TEPSIN: variants seen among roughly 807,000 people sequenced by gnomAD.
TEPSIN encodes the protein AP-4 complex accessory subunit tepsin.
TEPSIN carries 50 observed loss-of-function variants against 48.5 expected under a neutral mutation model. The observed-to-expected ratio is 1.03, with a 90% confidence interval of 0.82 to 1.31. TEPSIN has a LOEUF of 1.31. TEPSIN is among the 50% of genes most tolerant of loss of function. The probability of loss-of-function intolerance (pLI) is 0.00; values close to 1 mark genes in which losing one functional copy is unlikely to be tolerated. For synonymous variants in TEPSIN, 392 were observed against 358.8 expected, an observed-to-expected ratio of 1.09 and a Z score of -1.05; for missense variants, 838 against 815.9, an observed-to-expected ratio of 1.03 and a Z score of -0.33.
Position 81,228,957 on chromosome 17 carries a change from G to C in TEPSIN, c.1753C>G (p.Pro585Ala). 1.2e-6 allele frequency: 2 copies of C among 1,613,768 alleles called. No individual in the cohort carries two copies. The highest frequency in any genetic ancestry group is 1.7e-6 in the Non-Finnish European group (2 of 1,180,014). Reference sequence around the variant, plus strand: ...GCGTTCAGGAACGCGAAAGCTGACGGCTCTGAGCCAGGAGGCTCTTTGGCT... The same window carrying C: ...GCGTTCAGGAACGCGAAAGCTGACGCCTCTGAGCCAGGAGGCTCTTTGGCT... ...TAAKEPPGSE[P>A]SAFAFLNA Residue 585 changes from proline (P) to alanine (A), a missense_variant, in exon 13 of 13, where the codon CCG (proline) becomes GCG (alanine). Coordinates refer to ENST00000637944, the MANE Select transcript of TEPSIN (RefSeq NM_001363764.2).
rs1021780922 is a variant in TEPSIN, at chr17:81,233,971, C to A, written c.375+10G>T. 1 of 1,597,672 alleles carries A rather than the reference C, an allele frequency of 6.3e-7. No individual in the cohort carries two copies. Among genetic ancestry groups the A allele is most frequent in the Non-Finnish European group, 8.5e-7 (1 of 1,175,408 alleles). The stretch of plus-strand genomic sequence containing the variant: ...GGCACCCCGCAGAGCGACACTGCTC[C>A]TGGGCTCACCTGCGCGGCCGCGCGA... On this transcript the variant is annotated intron_variant, in intron 5 of 12. Coordinates refer to ENST00000637944, the MANE Select transcript of TEPSIN (RefSeq NM_001363764.2). The surrounding 1 kb of genome is among the most constrained non-coding windows in gnomAD (Gnocchi z 5.8).
chr17:81,236,732 A>G lies in TEPSIN; in HGVS notation c.283T>C (p.Ser95Pro). 1 of 1,569,858 alleles carries G rather than the reference A, an allele frequency of 6.4e-7. No homozygotes were observed. Among genetic ancestry groups the G allele is most frequent in the East Asian group, 2.4e-5 (1 of 42,166 alleles). ...SFFLLILKRN[S>P]AFIQEAAAFA... ...CCTGCAGCTTCCTGGATGAAGGCAGAGTTGCGTTTGAGGATGAGCAGGAAG... is the reference window on the plus strand; with the variant it reads ...CCTGCAGCTTCCTGGATGAAGGCAGGGTTGCGTTTGAGGATGAGCAGGAAG... The change falls in exon 4 of 13, where the codon TCT becomes CCT. Residue 95 changes from serine (S) to proline (P), a missense_variant. By Grantham distance (74) the Ser-to-Pro change is moderately conservative. Transcript: ENST00000637944.
intron 4 of TEPSIN, among the ~76,000 whole-genome samples, chr17:81,235,469 G>A (rs940994492): frequency 2.0e-5 from 3 of 152,172 alleles, no homozygotes; most frequent in Admixed American, 2.0e-4. Flanking sequence ...GTCCAGGCAC[G>A]GCAGGCAACA....
Position 81,228,927 on chromosome 17 carries a change from G to A in TEPSIN, c.*1C>T, listed in dbSNP as rs1292784615. 1.2e-6 allele frequency: 2 copies of A among 1,612,924 alleles called. No homozygotes were observed. The highest frequency in any genetic ancestry group is 1.7e-6 in the Non-Finnish European group (2 of 1,179,998). On this transcript the variant is annotated 3_prime_UTR_variant, in exon 13 of 13. Transcript: ENST00000637944. ...GAAGACTCCAGGGCCAGGCCATCGG[G>A]TCAGGCGTTCAGGAACGCGAAAGCT...
Position 81,232,029 on chromosome 17 carries a change from A to G in TEPSIN, c.731-8T>C. 6.2e-7 allele frequency: 1 copy of G among 1,604,954 alleles called. No individual in the cohort carries two copies. Among genetic ancestry groups the G allele is most frequent in the Non-Finnish European group, 8.5e-7 (1 of 1,178,816 alleles). On this transcript the variant is annotated splice_region_variant and splice_polypyrimidine_tract_variant and intron_variant, in intron 8 of 12. Transcript: ENST00000637944. ...CAGGCTGATGCCTCACAGCTGGAGG[A>G]AACAGGACAGCCGGTGAGATCCCTG...
At position 81,234,008 on chromosome 17, in the gene TEPSIN, C is replaced by T. The variant is rs367859199; in HGVS notation, c.348G>A (p.Leu116=). 83 of 1,598,182 alleles carry T rather than the reference C, an allele frequency of 5.2e-5. No individual in the cohort carries two copies. Among genetic ancestry groups the T allele is most frequent in the Non-Finnish European group, 6.9e-5 (81 of 1,175,678 alleles). Residue 116 remains leucine, a synonymous_variant, in exon 5 of 13, where the codon TTG becomes TTA. Transcript: ENST00000637944. The surrounding 1 kb of genome is among the most constrained non-coding windows in gnomAD (Gnocchi z 5.4). The part of the protein sequence containing the change: ...GPPDPLHGNS[L]YQKVRAAAQD... ...GCGCGGCCGCGCGAACCTTCTGGTA[C>T]AAGCTGTTCCCGTGCAGAGGATCTG... is the stretch of plus-strand genomic sequence containing the variant.
At position 81,233,209 on chromosome 17, in the gene TEPSIN, G is replaced by C. The variant is rs2062653933; in HGVS notation, c.526+223C>G. On this transcript the variant is annotated intron_variant, in intron 7 of 12. Transcript: ENST00000637944. This position sits in a 1 kb window ranked among gnomAD's most constrained non-coding sequence, Gnocchi z 5.8. ...CAGCCCTGACTTCTTGCTCGGCCTG[G>C]TTTCTCTCATCTGTCCATAAAGCAG... The C allele has an allele frequency of 5.1e-6, 3 of 590,516 alleles. No homozygotes were observed. The highest frequency in any genetic ancestry group is 8.8e-6 in the Non-Finnish European group (3 of 339,952). 36.6% of individuals were successfully genotyped at this position (590,516 alleles called of 1,614,324 possible). A position where few individuals can be genotyped will look rare whatever the true frequency, so the allele number is the denominator to read the frequency against.
intron 1 of TEPSIN, 79 bp downstream of exon 1, chr17:81,238,907 C>G: frequency 7.2e-7 from 1 of 1,382,216 alleles, no homozygotes; most frequent in Non-Finnish European, 9.3e-7. Flanking sequence ...TCAATGGCTC[C>G]GGCCCGGGGC....
Position 81,234,221 on chromosome 17 carries a change from A to G in TEPSIN, c.308-173T>C. ...GACCCTGCAGAGGCCACACCTGAGCAGACCCTCAGCTCCCCCTCACCCATG... is the reference window on the plus strand; with the variant it reads ...GACCCTGCAGAGGCCACACCTGAGCGGACCCTCAGCTCCCCCTCACCCATG... On this transcript the variant is annotated intron_variant, in intron 4 of 12. Transcript: ENST00000637944. The surrounding 1 kb of genome is among the most constrained non-coding windows in gnomAD (Gnocchi z 5.4). The G allele has an allele frequency of 2.0e-6, 1 of 500,254 alleles. No individual in the cohort carries two copies. Among genetic ancestry groups the G allele is most frequent in the East Asian group, 3.5e-5 (1 of 28,608 alleles). 31.0% of individuals were successfully genotyped at this position (500,254 alleles called of 1,614,324 possible).
rs577437968 is a variant in TEPSIN at position 81,235,700 on chromosome 17, G to A, written c.307+1008C>T. On this transcript the variant is annotated intron_variant, in intron 4 of 12. Transcript: ENST00000637944. ...CCTGGAGCCCGGGGCCCTCTGGCCC[G>A]CTGAATGGTGAGGATAAATGGCTGG... Among the ~76,000 whole-genome samples the A allele has an allele frequency of 1.1e-4, 16 of 152,196 alleles. No individual in the cohort carries two copies. The South Asian group carries it at 1.5e-3, about 14-fold the overall frequency.
In TEPSIN at chr17:81,234,805, G is replaced by T. The variant is rs1297828774; in HGVS notation, c.308-757C>A. On this transcript the variant is annotated intron_variant, in intron 4 of 12. Coordinates refer to ENST00000637944, the MANE Select transcript of TEPSIN (RefSeq NM_001363764.2). This position sits in a 1 kb window ranked among gnomAD's most constrained non-coding sequence, Gnocchi z 5.4. ...TGCCATCTTCCCTGCAGGAGCCCAGGGCACCCACCTGCCACCCCACGCTGC... is the reference window on the plus strand; with the variant it reads ...TGCCATCTTCCCTGCAGGAGCCCAGTGCACCCACCTGCCACCCCACGCTGC... Among the ~76,000 whole-genome samples the T allele has an allele frequency of 1.3e-5, 2 of 151,982 alleles. No homozygotes were observed. Among genetic ancestry groups the T allele is most frequent in the Non-Finnish European group, 2.9e-5 (2 of 68,008 alleles).
Position 81,230,631 on chromosome 17 carries a change from G to A in TEPSIN, c.1146C>T (p.Pro382=), listed in dbSNP as rs778587006. 1.3e-6 allele frequency: 2 copies of A among 1,597,972 alleles called. No homozygotes were observed. The highest frequency in any genetic ancestry group is 2.2e-5 in the South Asian group (2 of 89,340). Residue 382 remains proline, a synonymous_variant, in exon 12 of 13, where the codon CCC becomes CCT. Transcript: ENST00000637944. The surrounding 1 kb of genome is among the most constrained non-coding windows in gnomAD (Gnocchi z 4.2). ...GGGTGCGGAGGAGGATGTGCTCCTG[G>A]GGGAGGAGGTCGCTGCTCCCCAGGG... ...IASLGSSDLL[P]QEHILLRTRP... is the part of the protein sequence containing the mutation.
rs763693747 is a variant in TEPSIN at position 81,229,757 on chromosome 17, G to A, written c.1234-281C>T. 34 of 485,444 alleles carry A rather than the reference G, an allele frequency of 7.0e-5. No homozygotes were observed. In the Middle Eastern group the frequency reaches 1.6e-3, roughly 23 times the overall value. The allele number at this position is 485,444 out of a possible 1,614,324, so 30.1% of individuals were successfully genotyped here. On this transcript the variant is annotated intron_variant, in intron 12 of 12. Transcript: ENST00000637944. Reference sequence around the variant, plus strand: ...TACTAGACAAATGGACACCCTCCCCGTCATAACCCGCCAGGCACTGCCGGA... The same window carrying A: ...TACTAGACAAATGGACACCCTCCCCATCATAACCCGCCAGGCACTGCCGGA...
chr17:81,230,720 A>C lies in TEPSIN; in HGVS notation c.1099-42T>G. On this transcript the variant is annotated intron_variant, in intron 11 of 12. Transcript: ENST00000637944. This position sits in a 1 kb window ranked among gnomAD's most constrained non-coding sequence, Gnocchi z 4.2. ...GGGACATCAGCACCCATGGGGCAGC[A>C]GGTCCACGCCAGGGAGGCCTATTTG... is the stretch of plus-strand genomic sequence containing the variant. 1 of 1,484,210 alleles carries C rather than the reference A, an allele frequency of 6.7e-7. No individual in the cohort carries two copies. The highest frequency in any genetic ancestry group is 9.0e-7 in the Non-Finnish European group (1 of 1,115,914). The allele number at this position is 1,484,210 out of a possible 1,614,324, so 91.9% of individuals were successfully genotyped here. A position where few individuals can be genotyped will look rare whatever the true frequency, so the allele number is the denominator to read the frequency against.
chr17:81,238,630 G>A (rs1310727411), intron 1 of TEPSIN: 2 of 1,136,048 alleles, frequency 1.8e-6, no homozygotes, highest in African/African-American at 1.6e-5. Context: ...CGGGCTGCCA[G>A]CCCACCTGGG....
rs776383160 is a variant in TEPSIN at position 81,231,878 on chromosome 17, C to G, written c.874G>C (p.Ala292Pro). 1 of 1,613,646 alleles carries G rather than the reference C, an allele frequency of 6.2e-7. No homozygotes were observed. Among genetic ancestry groups the G allele is most frequent in the Non-Finnish European group, 8.5e-7 (1 of 1,180,006 alleles). ...SHSGSDSHSG[A>P]SREPGDLAER... ...GCCAGGTCACCCGGCTCCCGGCTGG[C>G]CCCTGAATGGCTGTCGCTGCCGGAA... The change falls in exon 9 of 13, where the codon GCC (alanine) becomes CCC (proline). Residue 292 changes from alanine to proline, a missense_variant. Physicochemically the swap from Ala to Pro is conservative, Grantham distance 27 (BLOSUM62 -1). Transcript: ENST00000637944.
At chr17:81,238,804 G>A (rs554860515) in intron 1 of TEPSIN, 182 bp downstream of exon 1, 4 of 1,323,206 alleles carry the variant, frequency 3.0e-6, no homozygotes, top group African/African-American at 3.1e-5. Context: ...GCCCGGCTTG[G>A]AAGGCCCCGG....
chr17:81,232,498 G>C lies in TEPSIN; in HGVS notation c.547C>G (p.Leu183Val), dbSNP rs1385686181. The C allele has an allele frequency of 6.5e-7, 1 of 1,532,500 alleles. No individual in the cohort carries two copies. Among genetic ancestry groups the C allele is most frequent in the East Asian group, 2.4e-5 (1 of 40,834 alleles). The allele number at this position is 1,532,500 out of a possible 1,614,324, so 94.9% of individuals were successfully genotyped here. Residue 183 changes from leucine (L) to valine (V), a missense_variant, in exon 8 of 13, where the codon CTC becomes GTC. Physicochemically the swap from Leu to Val is conservative, Grantham distance 32. Coordinates refer to ENST00000637944, the MANE Select transcript of TEPSIN (RefSeq NM_001363764.2). Reference sequence around the variant, plus strand: ...TCTGCGGCCTTCTGGATGGTGGAGAGGAAGGCTTCGCCTGCCGAGCCTGTA... The same window carrying C: ...TCTGCGGCCTTCTGGATGGTGGAGACGAAGGCTTCGCCTGCCGAGCCTGTA... The part of the protein sequence containing the change: ...GRTGSAGEAF[L>V]STIQKAAEVV...
In TEPSIN at chr17:81,233,422, C is replaced by A; in HGVS notation, c.526+10G>T. Reference sequence around the variant, plus strand: ...AGATGCCAGAGCCCATGCAGGCCCTCCCCACTCACCCGTGCGGCCGTGTTC... The same window carrying A: ...AGATGCCAGAGCCCATGCAGGCCCTACCCACTCACCCGTGCGGCCGTGTTC... On this transcript the variant is annotated intron_variant, in intron 7 of 12. Coordinates refer to ENST00000637944, the MANE Select transcript of TEPSIN (RefSeq NM_001363764.2). The surrounding 1 kb of genome is among the most constrained non-coding windows in gnomAD (Gnocchi z 5.8). 6.2e-7 allele frequency: 1 copy of A among 1,609,964 alleles called. No homozygotes were observed. The highest frequency in any genetic ancestry group is 8.5e-7 in the Non-Finnish European group (1 of 1,179,382).
Sources: gnomAD v4.1 joint callset for allele counts (sites outside exome capture counted in the v4.1 genomes callset) on GRCh38, gnomAD v4.1.1 for gene constraint, Gnocchi (gnomAD v3.1) non-coding constraint, MANE v1.5 for transcripts, NCBI Gene and HGNC (gene_info 2026-07-23, HGNC 2026-07-21) for gene names.